EMID1: variants seen among roughly 807,000 people sequenced by gnomAD.
EMID1 encodes EMI domain-containing protein 1.
In EMID1, 40 loss-of-function variants were observed where a neutral mutation model predicts 60.6. The observed-to-expected ratio is 0.66, with a 90% CI of 0.51 to 0.86. The LOEUF is 0.86. Ranked by LOEUF, EMID1 falls within the 40% of genes least tolerant of loss-of-function variation. EMID1 has a pLI of 0.00. For synonymous variants in EMID1, 242 were observed against 231.0 expected (o/e 1.05, Z -0.43); for missense variants, 585 against 597.1 (o/e 0.98, Z 0.21).
Position 29,225,117 on chromosome 22 carries a change from A to AC in EMID1, c.320-13dup. The AC allele has an allele frequency of 1.7e-5, 28 of 1,613,032 alleles. No individual in the cohort carries two copies. Among genetic ancestry groups the AC allele is most frequent in the Non-Finnish European group, 2.4e-5 (28 of 1,179,552 alleles). On this transcript the variant is annotated splice_polypyrimidine_tract_variant and intron_variant, in intron 3 of 14. Transcript: ENST00000334018. The stretch of plus-strand genomic sequence containing the variant: ...AGGATCACATGCCAGCAGGGCTCTC[A>AC]CCCTCCATCCCTTAGTTGCAGCTTC...
intron 1 of EMID1, among the ~76,000 whole-genome samples, chr22:29,213,252 G>A (rs2039961176): frequency 6.6e-6 from 1 of 152,174 alleles, no homozygotes; most frequent in South Asian, 2.1e-4. Context: ...GGTTTCCCAT[G>A]TCCGGTGGCT....
intron 3 of EMID1, chr22:29,216,630 T>C: frequency 1.0e-6 from 1 of 985,468 alleles, no homozygotes; most frequent in African/African-American, 1.7e-5. Context: ...AAGCCACGGC[T>C]CACAGGTGTT....
intron 12 of EMID1, among the ~76,000 whole-genome samples, chr22:29,241,331 G>A (rs1453261509): frequency 6.6e-6 from 1 of 152,144 alleles, no homozygotes; most frequent in Non-Finnish European, 1.5e-5. Flanking sequence ...AAGAAGAGTT[G>A]TTGATTTTTC....
At chr22:29,233,889 C>T (rs543244281) in intron 10 of EMID1, 3 of 670,364 alleles carry the variant, frequency 4.5e-6, no homozygotes, top group South Asian at 3.9e-5. Context: ...GTGGTTATCA[C>T]CTAAGACCAA....
intron 2 of EMID1, 176 bp downstream of exon 2, chr22:29,215,215 C>T (rs185227773): frequency 1.0e-6 from 1 of 985,396 alleles, no homozygotes; most frequent in East Asian, 1.1e-4. Flanking sequence ...GTTGAAGCAC[C>T]CTGGAGGGCT....
chr22:29,253,349 G>A (rs960623374), intron 13 of EMID1, among the ~76,000 whole-genome samples: 14 of 152,216 alleles, frequency 9.2e-5, no homozygotes, highest in Admixed American at 2.0e-4. Context: ...TTGGGAGACC[G>A]AGGCGGGCAG....
intron 1 of EMID1, among the ~76,000 whole-genome samples, chr22:29,207,166 G>A (rs753290758): frequency 3.3e-5 from 5 of 152,180 alleles, no homozygotes; most frequent in Non-Finnish European, 5.9e-5. Flanking sequence ...TGCCCCTGCT[G>A]GGCTAGCAAG....
At chr22:29,230,142 G>A (rs2040674689) in intron 5 of EMID1, among the ~76,000 whole-genome samples, 1 of 152,154 alleles carries the variant, frequency 6.6e-6, no homozygotes, top group Admixed American at 6.5e-5. Context: ...AGACCAGCCT[G>A]GCCAATGTGG....
At chr22:29,212,351 T>C (rs2039920856) in intron 1 of EMID1, among the ~76,000 whole-genome samples, 1 of 151,214 alleles carries the variant, frequency 6.6e-6, no homozygotes, top group Non-Finnish European at 1.5e-5. Flanking sequence ...CCCAGGCTGG[T>C]CTTGAACTCT....
rs564962748 is a variant in EMID1 at position 29,233,966 on chromosome 22, C to G, written c.967-171C>G. The G allele has an allele frequency of 4.1e-6, 3 of 737,150 alleles. No homozygotes were observed. In the East Asian group the frequency reaches 8.1e-5, roughly 20 times the overall value. 45.7% of individuals were successfully genotyped at this position (737,150 alleles called of 1,614,324 possible). On this transcript the variant is annotated intron_variant, in intron 10 of 14. Transcript: ENST00000334018. ...TGGTGGGACTGTCTGACTCCAGGAT[C>G]AGATCTTTTAACACTGAGCTGTATG... is the stretch of plus-strand genomic sequence containing the variant.
chr22:29,206,049 C>G lies in EMID1; in HGVS notation c.11C>G (p.Pro4Arg). The change falls in exon 1 of 15, where the codon CCG becomes CGG. Residue 4 changes from proline (P) to arginine (R), a missense_variant. Coordinates refer to ENST00000334018, the MANE Select transcript of EMID1 (RefSeq NM_133455.4). MGGPRAWALLCLGL... is the reference protein window; with the variant it reads MGGRRAWALLCLGL... ...GGCGCCTGGTGCAGCATGGGCGGCC[C>G]GCGGGCTTGGGCGCTGCTCTGCCTC... The G allele has an allele frequency of 3.3e-6, 4 of 1,227,720 alleles. No homozygotes were observed. Among genetic ancestry groups the G allele is most frequent in the Non-Finnish European group, 2.0e-6 (2 of 985,436 alleles). 76.1% of individuals were successfully genotyped at this position (1,227,720 alleles called of 1,614,324 possible).
intron 13 of EMID1, among the ~76,000 whole-genome samples, chr22:29,245,498 T>C (rs2041298285): frequency 1.3e-5 from 2 of 152,164 alleles, no homozygotes; most frequent in African/African-American, 4.8e-5. Context: ...GCCCCTCTTC[T>C]ACCTGCACTT....
intron 13 of EMID1, 107 bp from the exon 14 acceptor site, chr22:29,254,096 G>A: frequency 6.3e-7 from 1 of 1,582,752 alleles, no homozygotes. Flanking sequence ...GGCAGGTAGT[G>A]TGGGGCTGCA....
chr22:29,213,818 C>G (rs1286057174), intron 1 of EMID1, among the ~76,000 whole-genome samples: 2 of 152,158 alleles, frequency 1.3e-5, no homozygotes, highest in Non-Finnish European at 2.9e-5. Context: ...TACAGAGCCA[C>G]AGACCGTGGC....
At chr22:29,226,179 GC>G (rs2040502456) in intron 4 of EMID1, among the ~76,000 whole-genome samples, 3 of 152,308 alleles carry the variant, frequency 2.0e-5, no homozygotes, top group Admixed American at 2.0e-4. Flanking sequence ...CATGGCCCCC[GC>G]CCCATTGCCA....
intron 1 of EMID1, among the ~76,000 whole-genome samples, chr22:29,210,105 A>G (rs1331840427): frequency 6.6e-6 from 1 of 152,004 alleles, no homozygotes; most frequent in Non-Finnish European, 1.5e-5. Context: ...GGAGGGGGCA[A>G]GGGACTAAAC....
chr22:29,212,307 A>G (rs564441886), intron 1 of EMID1, among the ~76,000 whole-genome samples: 1 of 151,322 alleles, frequency 6.6e-6, no homozygotes, highest in African/African-American at 2.4e-5. Flanking sequence ...ATTAAAAAAA[A>G]TTTTTTTATA....
rs1255328954 is a variant in EMID1 at position 29,238,257 on chromosome 22, T to A, written c.1074+3908T>A. On this transcript the variant is annotated intron_variant, in intron 12 of 14. Coordinates refer to ENST00000334018, the MANE Select transcript of EMID1 (RefSeq NM_133455.4). ...GATTCTCTGAAGTTTTTCTAAAAAT[T>A]ATTATTATTATTATTATTATTATTA... Among the ~76,000 whole-genome samples the A allele has an allele frequency of 8.8e-4, 21 of 23,932 alleles. 2 individuals carry two copies. In the Admixed American group the frequency reaches 0.011, roughly 13 times the overall value. 15.7% of individuals were successfully genotyped at this position (23,932 alleles called of 152,430 possible).
chr22:29,254,213 T>C lies in EMID1; in HGVS notation c.1130T>C (p.Leu377Ser). 6.2e-7 allele frequency: 1 copy of C among 1,614,130 alleles called. No individual in the cohort carries two copies. Among genetic ancestry groups the C allele is most frequent in the Non-Finnish European group, 8.5e-7 (1 of 1,179,986 alleles). ...CTCTTTCCTCCACAGGGGGAGGGGT[T>C]GCACCAGCTACGCGAGGCTTTGAAG... is the stretch of plus-strand genomic sequence containing the variant. ...PGEKSHWGEGLHQLREALKIL... is the reference protein window; with the variant it reads ...PGEKSHWGEGSHQLREALKIL... The change falls in exon 14 of 15, where the codon TTG becomes TCG. Residue 377 changes from leucine (L) to serine (S), a missense_variant. Leu to Ser is a moderately radical substitution (Grantham distance 145). Coordinates refer to ENST00000334018, the MANE Select transcript of EMID1 (RefSeq NM_133455.4).
Sources: allele counts gnomAD v4.1 joint callset (sites outside exome capture counted in the v4.1 genomes callset), GRCh38; gene constraint gnomAD v4.1.1; transcripts MANE v1.5; gene names NCBI Gene and HGNC (gene_info 2026-07-23, HGNC 2026-07-21).